The following NBAS variants were observed in gnomAD, a reference collection of about 807,000 sequenced individuals.
The protein encoded by NBAS is NBAS subunit of NRZ tethering complex.
NBAS carries 219 observed loss-of-function variants against 302.5 expected under a neutral mutation model. The observed-to-expected ratio is 0.72, with a 90% confidence interval of 0.65 to 0.81. NBAS has a LOEUF of 0.81. Ranked by LOEUF, NBAS falls within the 30% of genes least tolerant of loss-of-function variation. The pLI is 0.00. For synonymous variants in NBAS, 1,118 were observed against 1,021.6 expected, an observed-to-expected ratio of 1.09 and a Z score of -1.80; for missense variants, 2,932 against 2,841.6, an observed-to-expected ratio of 1.03 and a Z score of -0.72.
At chr2:15,034,969 C>A in the NBAS span, among the ~76,000 whole-genome samples, 1 of 152,156 alleles carries the variant, frequency 6.6e-6, no homozygotes, top group East Asian at 1.9e-4. Flanking sequence ...TTTACTTTTT[C>A]ACTTACTAAC....
the NBAS span, among the ~76,000 whole-genome samples, chr2:14,935,575 A>T: frequency 6.7e-6 from 1 of 150,298 alleles, no homozygotes; most frequent in South Asian, 2.1e-4. Flanking sequence ...CTCATTATGG[A>T]TCCTGTTATG....
chr2:15,331,362 CGAG>C (rs1184639358), intron 35 of NBAS, among the ~76,000 whole-genome samples: 1 of 152,118 alleles, frequency 6.6e-6, no homozygotes. Context: ...AGAGATTCCA[CGAG>C]GAGAAAATGT....
chr2:14,837,892 C>T, the NBAS span, among the ~76,000 whole-genome samples: 7,948 of 151,770 alleles, frequency 0.052, 695 homozygotes, highest in African/African-American at 0.18. Flanking sequence ...TTAGTATTTA[C>T]GCTAGTCTCC....
rs1290508497 is a variant in NBAS at position 15,353,617 on chromosome 2, A to G, written c.4025T>C (p.Leu1342Ser). The G allele has an allele frequency of 1.2e-6, 2 of 1,614,090 alleles. No homozygotes were observed. The highest frequency in any genetic ancestry group is 1.7e-6 in the Non-Finnish European group (2 of 1,179,966). Residue 1342 changes from leucine (L) to serine (S), a missense_variant, in exon 34 of 52, where the codon TTG becomes TCG. Leu to Ser is a moderately radical substitution (Grantham distance 145). Transcript: ENST00000281513. ...AATGCTGCTAGGAGGGCAATGTGTCAAAGCAAAAGCCATGAGCTCTTGACG... is the reference window on the plus strand; with the variant it reads ...AATGCTGCTAGGAGGGCAATGTGTCGAAGCAAAAGCCATGAGCTCTTGACG... ...ATRQELMAFA[L>S]THCPPSSIEL...
chr2:15,471,703 A>G (rs1410338908), intron 16 of NBAS, among the ~76,000 whole-genome samples: 1 of 152,186 alleles, frequency 6.6e-6, no homozygotes, highest in Non-Finnish European at 1.5e-5. Context: ...GACCTTTAGA[A>G]AGCAATTAGG....
the NBAS span, among the ~76,000 whole-genome samples, chr2:14,963,738 A>G: frequency 0.013 from 1,944 of 152,300 alleles, 40 homozygotes; most frequent in African/African-American, 0.045. Flanking sequence ...TTCCACTGAG[A>G]CAGCACTCCT....
In NBAS at chr2:15,178,878, T is replaced by G. The variant is rs1186448956; in HGVS notation, c.6840+110A>C. On this transcript the variant is annotated intron_variant, in intron 51 of 51. Transcript: ENST00000281513. ...TTGTGGTCAGAGAATACTATAGATA[T>G]AGTAGTCTTCAATTAACCACGGTGT... 2.7e-6 allele frequency: 4 copies of G among 1,455,230 alleles called. No homozygotes were observed. In the East Asian group the frequency reaches 9.7e-5, roughly 35 times the overall value. The allele number at this position is 1,455,230 out of a possible 1,614,324, so 90.1% of individuals were successfully genotyped here.
chr2:15,291,144 A>T (rs1213869103), intron 41 of NBAS, among the ~76,000 whole-genome samples: 1 of 152,184 alleles, frequency 6.6e-6, no homozygotes, highest in African/African-American at 2.4e-5. Context: ...AATCACATCC[A>T]CTGCTTTTTT....
chr2:14,861,040 G>C, the NBAS span, among the ~76,000 whole-genome samples: 3 of 152,098 alleles, frequency 2.0e-5, no homozygotes, highest in African/African-American at 7.2e-5. Context: ...TATGCAAGCT[G>C]TTTTGTATAA....
the NBAS span, among the ~76,000 whole-genome samples, chr2:14,877,235 G>A: frequency 9.9e-5 from 15 of 152,156 alleles, no homozygotes; most frequent in East Asian, 1.9e-4. Context: ...CTGTGTTTTC[G>A]CACTGCTTTC....
chr2:15,527,597 T>TAA (rs1662972589), intron 9 of NBAS, among the ~76,000 whole-genome samples: 1 of 152,132 alleles, frequency 6.6e-6, no homozygotes, highest in Middle Eastern at 3.2e-3. Flanking sequence ...ATCAGGGCCT[T>TAA]AAACGCACTC....
chr2:15,203,880 GTGTGTGTGCT>G (rs1457565958), intron 48 of NBAS, among the ~76,000 whole-genome samples: 35 of 130,990 alleles, frequency 2.7e-4, no homozygotes, highest in African/African-American at 7.7e-4. Flanking sequence ...CTGTGTGTGT[GTGTGTGTGCT>G]TGTGTGTGTG....
intron 28 of NBAS, among the ~76,000 whole-genome samples, chr2:15,389,665 A>C (rs1558295805): frequency 6.6e-6 from 1 of 152,258 alleles, no homozygotes; most frequent in Non-Finnish European, 1.5e-5. Context: ...AAGGAAATGA[A>C]TTAAATCTCC....
Position 15,379,651 on chromosome 2 carries a change from A to T in NBAS, c.3541T>A (p.Tyr1181Asn). The change falls in exon 30 of 52, where the codon TAC becomes AAC. Residue 1181 changes from tyrosine (Y) to asparagine (N), a missense_variant. Tyr to Asn is a moderately radical substitution (Grantham distance 143). Transcript: ENST00000281513. ...GTGAGGTTGGTAGAAGAATTGAAGT[A>T]CTCTCTGCTGGCAGCCAAAACCAAG... is the stretch of plus-strand genomic sequence containing the variant. The part of the protein sequence containing the change: ...IDLVLAASRE[Y>N]FNSSTNLTDS... 1 of 1,613,762 alleles carries T rather than the reference A, an allele frequency of 6.2e-7. No individual in the cohort carries two copies. The highest frequency in any genetic ancestry group is 8.5e-7 in the Non-Finnish European group (1 of 1,179,918).
the NBAS span, among the ~76,000 whole-genome samples, chr2:14,838,979 T>A: frequency 6.6e-6 from 1 of 152,040 alleles, no homozygotes; most frequent in African/African-American, 2.4e-5. Context: ...AATATAAAAA[T>A]GTTTTCAAGA....
chr2:15,219,019 C>A (rs746905346), intron 47 of NBAS, 51 bp from the exon 48 acceptor site: 9 of 1,599,650 alleles, frequency 5.6e-6, no homozygotes, highest in African/African-American at 2.7e-5. Context: ...CTTTTATTTT[C>A]CCCCTTCCGG....
At chr2:14,826,722 C>T in the NBAS span, among the ~76,000 whole-genome samples, 572 of 152,280 alleles carry the variant, frequency 3.8e-3, no homozygotes, top group Non-Finnish European at 6.4e-3. Context: ...TAGGGCACTC[C>T]CTTGCAGTCT....
At chr2:14,990,849 T>C in the NBAS span, among the ~76,000 whole-genome samples, 1 of 152,158 alleles carries the variant, frequency 6.6e-6, no homozygotes. Context: ...CATGAGATAA[T>C]AAGCCATGGT....
At chr2:15,343,170 G>A (rs907193527) in intron 35 of NBAS, among the ~76,000 whole-genome samples, 6 of 152,102 alleles carry the variant, frequency 3.9e-5, no homozygotes, top group Non-Finnish European at 7.4e-5. Flanking sequence ...GCCTAAGGAG[G>A]AAGAGCACAT....
Sources: gnomAD v4.1 joint callset for allele counts (sites outside exome capture counted in the v4.1 genomes callset) on GRCh38, gnomAD v4.1.1 for gene constraint, MANE v1.5 for transcripts, NCBI Gene and HGNC (gene_info 2026-07-23, HGNC 2026-07-21) for gene names.